MAN2A1: variants seen among roughly 807,000 people sequenced by gnomAD.
MAN2A1 encodes the protein mannosidase alpha class 2A member 1, also known as alpha-mannosidase 2.
A neutral mutation model predicts 142.6 loss-of-function variants in MAN2A1; 76 were observed. That is an observed-to-expected ratio of 0.53 (90% confidence interval 0.44 to 0.65). The LOEUF (loss-of-function observed/expected upper bound fraction) is 0.65. MAN2A1 is among the 30% of genes least tolerant of loss of function. MAN2A1 has a pLI of 0.00. For synonymous variants in MAN2A1, 559 were observed against 473.2 expected, an observed-to-expected ratio of 1.18 and a Z score of -2.35; for missense variants, 1,311 against 1,365.1, an observed-to-expected ratio of 0.96 and a Z score of 0.62.
chr5:109,815,761 C>T (rs1210998793), intron 12 of MAN2A1, among the ~76,000 whole-genome samples: 1 of 152,062 alleles, frequency 6.6e-6, no homozygotes, highest in Non-Finnish European at 1.5e-5. Flanking sequence ...ATATAGAACA[C>T]ATATACAGGA....
chr5:109,819,898 AATAGTTCTAAAATTC>A lies in MAN2A1; in HGVS notation c.2328+16_2328+30del. On this transcript the variant is annotated intron_variant, in intron 14 of 21. Coordinates refer to ENST00000261483, the MANE Select transcript of MAN2A1 (RefSeq NM_002372.4). ...ACTGGACTTATGAAGGTATGTTCTG[AATAGTTCTAAAATTC>A]ATAGAATGCTTATCATTTTTGCTAC... 6.6e-7 allele frequency: 1 copy of A among 1,512,634 alleles called. No homozygotes were observed. Among genetic ancestry groups the A allele is most frequent in the Non-Finnish European group, 8.9e-7 (1 of 1,119,394 alleles). 93.7% of individuals were successfully genotyped at this position (1,512,634 alleles called of 1,614,324 possible).
chr5:109,755,355 T>C lies in MAN2A1; in HGVS notation c.734T>C (p.Ile245Thr). The change falls in exon 5 of 22, where the codon ATT becomes ACT. Residue 245 changes from isoleucine (I) to threonine (T), a missense_variant. Transcript: ENST00000261483. The part of the protein sequence containing the change: ...KSLIENGQLE[I>T]VTGGWVMPDE... ...TTAATAGAAAATGGTCAGCTTGAAA[T>C]TGTGACAGGTGGCTGGGTTATGCCT... 1 of 1,612,738 alleles carries C rather than the reference T, an allele frequency of 6.2e-7. No homozygotes were observed. The highest frequency in any genetic ancestry group is 8.5e-7 in the Non-Finnish European group (1 of 1,178,754).
chr5:109,765,802 T>G (rs1752973575), intron 5 of MAN2A1, among the ~76,000 whole-genome samples: 1 of 152,162 alleles, frequency 6.6e-6, no homozygotes, highest in African/African-American at 2.4e-5. Flanking sequence ...TGTCCCAGAT[T>G]TGGCCATTAG....
intron 16 of MAN2A1, chr5:109,840,549 C>CA: frequency 2.0e-6 from 1 of 508,016 alleles, no homozygotes; most frequent in Non-Finnish European, 3.9e-6. Context: ...GCAGAGCCTC[C>CA]AATAAGGCTG....
intron 17 of MAN2A1, among the ~76,000 whole-genome samples, chr5:109,843,752 C>G (rs976724240): frequency 6.6e-6 from 1 of 152,078 alleles, no homozygotes; most frequent in Non-Finnish European, 1.5e-5. Context: ...GTCAATTCTC[C>G]AATTTAATAG....
At position 109,817,324 on chromosome 5, in the gene MAN2A1, A is replaced by C. The variant is rs560904541; in HGVS notation, c.1995A>C (p.Ser665=). The C allele has an allele frequency of 9.2e-5, 149 of 1,614,022 alleles. No individual in the cohort carries two copies. The highest frequency in any genetic ancestry group is 1.2e-4 in the Non-Finnish European group (145 of 1,180,006). ...AACAAGACCGAATCTCGTTGGTCTC[A>C]GTCTATGTGAGTTCCCCGACAGTGC... is the stretch of plus-strand genomic sequence containing the variant. ...PLEQDRISLV[S]VYVSSPTVQV... is the part of the protein sequence containing the mutation. Residue 665 remains serine, a synonymous_variant, in exon 13 of 22, where the codon TCA becomes TCC. Coordinates refer to ENST00000261483, the MANE Select transcript of MAN2A1 (RefSeq NM_002372.4).
Position 109,823,920 on chromosome 5 carries a change from C to T in MAN2A1, c.2566+83C>T, listed in dbSNP as rs539344065. On this transcript the variant is annotated intron_variant, in intron 16 of 21. Transcript: ENST00000261483. ...TTTTCTTATGCCATTCTTAAATTAA[C>T]AGTTGGTTTTTGTAGATGATGTTTT... is the stretch of plus-strand genomic sequence containing the variant. 2.6e-4 allele frequency: 166 copies of T among 635,012 alleles called. 2 individuals carry two copies. In the South Asian group the frequency reaches 4.9e-3, roughly 19 times the overall value. 39.3% of individuals were successfully genotyped at this position (635,012 alleles called of 1,614,324 possible).
intron 1 of MAN2A1, among the ~76,000 whole-genome samples, chr5:109,711,779 G>T (rs371252081): frequency 6.6e-6 from 1 of 152,132 alleles, no homozygotes; most frequent in African/African-American, 2.4e-5. Context: ...GATGGGACCT[G>T]TGCTAAAACT....
intron 14 of MAN2A1, 77 bp downstream of exon 14, chr5:109,819,964 AGGGG>A: frequency 3.8e-6 from 4 of 1,060,152 alleles, no homozygotes; most frequent in African/African-American, 3.2e-5. Context: ...ATTAGGCAAA[AGGGG>A]AAAAAAGTCT....
At chr5:109,722,176 A>G (rs1341222989) in intron 3 of MAN2A1, among the ~76,000 whole-genome samples, 1 of 152,216 alleles carries the variant, frequency 6.6e-6, no homozygotes, top group African/African-American at 2.4e-5. Context: ...TCCAAGCCAA[A>G]TGTCAACTAC....
At chr5:109,856,723 GCAGGCAAACATATATGACTTATAA>G (rs1755613015) in intron 20 of MAN2A1, among the ~76,000 whole-genome samples, 1 of 152,130 alleles carries the variant, frequency 6.6e-6, no homozygotes, top group African/African-American at 2.4e-5. Flanking sequence ...GCTTGGCTAT[GCAGGCAAACATATATGACTTATAA>G]TAATGACTAC....
intron 12 of MAN2A1, among the ~76,000 whole-genome samples, chr5:109,814,072 T>G (rs1246387079): frequency 3.9e-5 from 6 of 152,162 alleles, no homozygotes; most frequent in Non-Finnish European, 8.8e-5. Flanking sequence ...ACTAGGAGGC[T>G]GGACGTGACT....
intron 14 of MAN2A1, 97 bp from the exon 15 acceptor site, chr5:109,820,123 A>C: frequency 8.9e-7 from 1 of 1,117,764 alleles, no homozygotes; most frequent in Non-Finnish European, 1.3e-6. Flanking sequence ...ATAAGTACAG[A>C]AATTATTTTT....
chr5:109,771,307 A>G (rs576098274), intron 7 of MAN2A1, among the ~76,000 whole-genome samples: 18 of 152,324 alleles, frequency 1.2e-4, no homozygotes, highest in Non-Finnish European at 2.2e-4. Context: ...AATAAATTAA[A>G]TAAATTTATT....
intron 5 of MAN2A1, among the ~76,000 whole-genome samples, chr5:109,756,548 T>A (rs1323532428): frequency 6.6e-6 from 1 of 152,222 alleles, no homozygotes; most frequent in Non-Finnish European, 1.5e-5. Flanking sequence ...ATAAGAATAC[T>A]GCAAAATATT....
chr5:109,708,445 C>T (rs1238138971), intron 1 of MAN2A1, among the ~76,000 whole-genome samples: 1 of 146,166 alleles, frequency 6.8e-6, no homozygotes, highest in African/African-American at 2.5e-5. Flanking sequence ...TGGGTGGGGC[C>T]CTGGAGGGGA....
intron 3 of MAN2A1, among the ~76,000 whole-genome samples, chr5:109,718,596 C>T (rs1751518912): frequency 6.6e-6 from 1 of 152,188 alleles, no homozygotes; most frequent in East Asian, 1.9e-4. Flanking sequence ...CCTAGCTGAA[C>T]ACTTGGCATA....
intron 16 of MAN2A1, among the ~76,000 whole-genome samples, chr5:109,832,161 C>CTTTTTTTTTTTTTTTTTTT (rs70999945): frequency 5.9e-5 from 3 of 51,218 alleles, no homozygotes; most frequent in Non-Finnish European, 1.1e-4. Context: ...AAGGAGTTTT[C>CTTTTTTTTTTTTTTTTTTT]TTTTTTTTTT....
chr5:109,761,207 CTTAT>C (rs1752834757), intron 5 of MAN2A1, among the ~76,000 whole-genome samples: 1 of 150,980 alleles, frequency 6.6e-6, no homozygotes, highest in African/African-American at 2.4e-5. Flanking sequence ...TTTTTAAATA[CTTAT>C]AGTATTTAGA....
Sources: gnomAD v4.1 joint callset for allele counts (sites outside exome capture counted in the v4.1 genomes callset) on GRCh38, gnomAD v4.1.1 for gene constraint, MANE v1.5 for transcripts, NCBI Gene and HGNC (gene_info 2026-07-23, HGNC 2026-07-21) for gene names.